ESF1: variants seen among roughly 807,000 people sequenced by gnomAD.
ESF1 encodes ESF1 homolog.
Under a neutral mutation model 92.0 loss-of-function variants are expected in ESF1, and 58 were observed. That is an observed-to-expected ratio of 0.63 (90% CI 0.51 to 0.78). The LOEUF is 0.78. Ranked by LOEUF, ESF1 falls within the 30% of genes least tolerant of loss-of-function variation. The probability of loss-of-function intolerance (pLI) is 0.00; values close to 1 mark genes in which losing one functional copy is unlikely to be tolerated. For synonymous variants in ESF1, 321 were observed against 313.7 expected (o/e 1.02, Z -0.24); for missense variants, 922 against 989.1 (o/e 0.93, Z 0.91).
intron 9 of ESF1, among the ~76,000 whole-genome samples, chr20:13,746,516 A>C (rs2050049591): frequency 6.6e-6 from 1 of 152,174 alleles, no homozygotes; most frequent in Non-Finnish European, 1.5e-5. Context: ...CTCTTTCTGT[A>C]ATCACAATAA....
chr20:13,737,810 T>C (rs1333028348), intron 9 of ESF1, among the ~76,000 whole-genome samples: 2 of 150,978 alleles, frequency 1.3e-5, no homozygotes, highest in Admixed American at 1.3e-4. Flanking sequence ...CACGCCACCA[T>C]GCCAGACTAA....
At chr20:13,757,339 C>T (rs1286161442) in intron 9 of ESF1, among the ~76,000 whole-genome samples, 1 of 152,118 alleles carries the variant, frequency 6.6e-6, no homozygotes, top group Admixed American at 6.6e-5. Flanking sequence ...TTATAACTTC[C>T]AGTTACAGAT....
At chr20:13,765,815 A>C (rs955017994) in intron 8 of ESF1, among the ~76,000 whole-genome samples, 1 of 152,244 alleles carries the variant, frequency 6.6e-6, no homozygotes, top group African/African-American at 2.4e-5. Flanking sequence ...ATGTCAAAGT[A>C]ACACACAAAA....
chr20:13,745,193 T>C (rs6079157), intron 9 of ESF1, among the ~76,000 whole-genome samples: 5 of 152,186 alleles, frequency 3.3e-5, no homozygotes, highest in Non-Finnish European at 5.9e-5. Context: ...GGAAAACACA[T>C]GACCTAGTAG....
intron 9 of ESF1, 96 bp downstream of exon 9, chr20:13,759,596 G>C: frequency 6.8e-7 from 1 of 1,477,326 alleles, no homozygotes; most frequent in South Asian, 1.3e-5. Flanking sequence ...ATGATGTTAA[G>C]GTCCTCACCA....
chr20:13,716,375 C>T (rs1335333110), intron 13 of ESF1, among the ~76,000 whole-genome samples: 1 of 152,182 alleles, frequency 6.6e-6, no homozygotes, highest in African/African-American at 2.4e-5. Flanking sequence ...GGCCACTGCA[C>T]ACAGTGAGTG....
In ESF1 at chr20:13,737,326, G is replaced by A. The variant is rs189536914; in HGVS notation, c.1829-3484C>T. 8.9e-3 allele frequency among the ~76,000 whole-genome samples: 1,359 copies of A among 152,086 alleles called. 7 individuals are homozygous for A. Among genetic ancestry groups the A allele is most frequent in the South Asian group, 0.018 (89 of 4,814 alleles). ...AGCACAATCCATTCAGAATTATTCT[G>A]GCAGTTTGCATACATATAAAAATAT... On this transcript the variant is annotated intron_variant, in intron 9 of 13. Transcript: ENST00000617257.
intron 1 of ESF1, 26 bp downstream of exon 1, chr20:13,784,851 CTCT>C (rs1195425941): frequency 2.9e-5 from 17 of 590,684 alleles, no homozygotes; most frequent in Non-Finnish European, 5.1e-5. Context: ...TCATCTCGAG[CTCT>C]TCAACTCCAG....
At chr20:13,731,790 G>C (rs996275587) in intron 10 of ESF1, among the ~76,000 whole-genome samples, 3 of 152,124 alleles carry the variant, frequency 2.0e-5, no homozygotes, top group Admixed American at 6.5e-5. Flanking sequence ...ACCTTCCCCA[G>C]AGAGGGTCCT....
intron 9 of ESF1, among the ~76,000 whole-genome samples, chr20:13,741,459 G>A (rs1432281253): frequency 2.0e-5 from 3 of 152,102 alleles, no homozygotes; most frequent in Non-Finnish European, 4.4e-5. Context: ...ATAGGCAGAC[G>A]AACTGACCAG....
Position 13,715,038 on chromosome 20 carries a change from C to T in ESF1, c.2392G>A (p.Glu798Lys). 2 of 1,613,922 alleles carry T rather than the reference C, an allele frequency of 1.2e-6. No homozygotes were observed. The highest frequency in any genetic ancestry group is 2.2e-5 in the East Asian group (1 of 44,858). Residue 798 changes from glutamate (E) to lysine (K), a missense_variant, in exon 14 of 14, where the codon GAA becomes AAA. Glu to Lys is a moderately conservative substitution (Grantham distance 56). Coordinates refer to ENST00000617257, the MANE Select transcript of ESF1 (RefSeq NM_001276380.2). ...KILEEKARQRERKEQELTQAI... is the reference protein window; with the variant it reads ...KILEEKARQRKRKEQELTQAI... ...TGAGTAAGTTCTTGTTCTTTCCGTT[C>T]TCTTTGCCGGGCCTTCTCCTCAAGG...
rs1252757507 is a variant in ESF1, at chr20:13,769,940, T to C, written c.1485A>G (p.Lys495=). Reference sequence around the variant, plus strand: ...TTCCCATTGCAGCAGAAGTGAAATATTTTGGTTTATATGCTGTTAAATTCA... The same window carrying C: ...TTCCCATTGCAGCAGAAGTGAAATACTTTGGTTTATATGCTGTTAAATTCA... ...SEVNLTAYKP[K]YFTSAAMGTS... is the part of the protein sequence containing the mutation. The change falls in exon 7 of 14, where the codon AAA becomes AAG. Residue 495 remains lysine (K), a synonymous_variant. Transcript: ENST00000617257. 3 of 1,611,748 alleles carry C rather than the reference T, an allele frequency of 1.9e-6. No homozygotes were observed. Among genetic ancestry groups the C allele is most frequent in the Non-Finnish European group, 2.5e-6 (3 of 1,179,224 alleles).
intron 2 of ESF1, among the ~76,000 whole-genome samples, chr20:13,778,297 T>C (rs1980033042): frequency 6.6e-6 from 1 of 152,100 alleles, no homozygotes; most frequent in Non-Finnish European, 1.5e-5. Context: ...TCACAGGTTC[T>C]ATATATGAGA....
rs558798439 is a variant in ESF1, at chr20:13,775,877, T to C, written c.1031A>G (p.Asp344Gly). 7 of 1,598,680 alleles carry C rather than the reference T, an allele frequency of 4.4e-6. No individual in the cohort carries two copies. The African/African-American group carries it at 9.4e-5, about 21-fold the overall frequency. The change falls in exon 3 of 14, where the codon GAT becomes GGT. Residue 344 changes from aspartate to glycine, a missense_variant. Transcript: ENST00000617257. The stretch of plus-strand genomic sequence containing the variant: ...CTTGTTTATTCAAAAGGTTACCTCA[T>C]CAGCACGAGGAGCATCTTTATCTAA... Reference protein sequence around the residue: ...RELDKDAPRADEITRRLAVCN... With the variant: ...RELDKDAPRAGEITRRLAVCN...
chr20:13,739,839 G>A (rs1022681171), intron 9 of ESF1, among the ~76,000 whole-genome samples: 1 of 151,846 alleles, frequency 6.6e-6, no homozygotes, highest in African/African-American at 2.4e-5. Context: ...TGGTTGTAAT[G>A]GGTTGCTGGC....
chr20:13,759,285 G>A (rs1979046948), intron 9 of ESF1, among the ~76,000 whole-genome samples: 1 of 152,110 alleles, frequency 6.6e-6, no homozygotes, highest in African/African-American at 2.4e-5. Flanking sequence ...ATTGAAAATC[G>A]AAGACTATGT....
intron 9 of ESF1, among the ~76,000 whole-genome samples, chr20:13,748,208 A>G (rs1030065351): frequency 3.9e-5 from 6 of 152,012 alleles, no homozygotes; most frequent in Non-Finnish European, 7.4e-5. Context: ...TCTACAAAAA[A>G]TCTGTGACAG....
chr20:13,733,292 T>C lies in ESF1; in HGVS notation c.1950+429A>G, dbSNP rs561247101. On this transcript the variant is annotated intron_variant, in intron 10 of 13. Coordinates refer to ENST00000617257, the MANE Select transcript of ESF1 (RefSeq NM_001276380.2). ...ACAGATGAGCCATAAGATAATACTG[T>C]AAGGTGAAAATGCAGGTTGACAGAT... 2.0e-5 allele frequency among the ~76,000 whole-genome samples: 3 copies of C among 152,286 alleles called. No individual in the cohort carries two copies. The East Asian group carries it at 5.8e-4, about 29-fold the overall frequency.
In ESF1 at chr20:13,719,003, A is replaced by AT; in HGVS notation, c.2039-20dup. The AT allele has an allele frequency of 6.4e-7, 1 of 1,573,878 alleles. No individual in the cohort carries two copies. The highest frequency in any genetic ancestry group is 8.6e-7 in the Non-Finnish European group (1 of 1,161,494). On this transcript the variant is annotated intron_variant, in intron 11 of 13. Transcript: ENST00000617257. ...TTTATACCTGGCACAACAAACCAAC[A>AT]TAAGAGTGGTAAAAATTACAGGACT...
Sources: gnomAD v4.1 joint callset for allele counts (sites outside exome capture counted in the v4.1 genomes callset) on GRCh38, gnomAD v4.1.1 for gene constraint, MANE v1.5 for transcripts, NCBI Gene and HGNC (gene_info 2026-07-23, HGNC 2026-07-21) for gene names.